UNC13C: variants seen among roughly 807,000 people sequenced by gnomAD.
UNC13C encodes protein unc-13 homolog C.
A neutral mutation model predicts 245.4 loss-of-function variants in UNC13C; 174 were observed. The ratio of observed to expected loss-of-function variants is 0.71; its 90% CI spans 0.63 to 0.80. The LOEUF (loss-of-function observed/expected upper bound fraction) is 0.80, where lower values mean the gene tolerates loss of function less well. Among genes scored for constraint, UNC13C ranks in the 30% least tolerant of loss-of-function variants. UNC13C has a pLI of 0.00. For missense variants in UNC13C, 2,829 were observed against 2,602.9 expected, an observed-to-expected ratio of 1.09 and a Z score of -1.89; for synonymous variants, 992 against 895.1, an observed-to-expected ratio of 1.11 and a Z score of -1.93.
chr15:54,394,430 A>T (rs2040028707), intron 18 of UNC13C, among the ~76,000 whole-genome samples: 1 of 151,668 alleles, frequency 6.6e-6, no homozygotes, highest in South Asian at 2.1e-4. Flanking sequence ...TTCTGTTAGG[A>T]CTAGAAGATC....
intron 9 of UNC13C, among the ~76,000 whole-genome samples, 197 bp from the exon 10 acceptor site, chr15:54,265,158 G>A (rs2036521517): frequency 6.6e-6 from 1 of 151,700 alleles, no homozygotes; most frequent in African/African-American, 2.4e-5. Context: ...AAAGACAAGG[G>A]CAAAAATTAC....
the UNC13C span, among the ~76,000 whole-genome samples, chr15:53,902,534 G>C: frequency 6.6e-6 from 1 of 152,208 alleles, no homozygotes; most frequent in Non-Finnish European, 1.5e-5. Flanking sequence ...AGGGAGAGAA[G>C]AAAACACCTG....
chr15:54,172,060 C>G (rs2033418961), intron 4 of UNC13C, among the ~76,000 whole-genome samples: 1 of 151,858 alleles, frequency 6.6e-6, no homozygotes, highest in Admixed American at 6.6e-5. Flanking sequence ...AAAATTAAAA[C>G]AATTGTACTC....
chr15:54,473,201 ATTAT>A (rs975946508), intron 19 of UNC13C, among the ~76,000 whole-genome samples: 14 of 140,122 alleles, frequency 1.0e-4, no homozygotes, highest in African/African-American at 3.0e-4. Flanking sequence ...TATTTTATTG[ATTAT>A]TTATTTTATT....
At chr15:53,927,936 T>C in the UNC13C span, among the ~76,000 whole-genome samples, 1 of 152,178 alleles carries the variant, frequency 6.6e-6, no homozygotes, top group Non-Finnish European at 1.5e-5. Flanking sequence ...TATATCACTG[T>C]CTTCTGCCAG....
chr15:54,550,759 T>A (rs183419638), intron 28 of UNC13C, among the ~76,000 whole-genome samples: 23 of 152,278 alleles, frequency 1.5e-4, no homozygotes, highest in Admixed American at 8.5e-4. Context: ...TGCCAAACTA[T>A]TATTTTGAAT....
At chr15:54,018,163 G>T (rs879701464) in intron 2 of UNC13C, among the ~76,000 whole-genome samples, 48 of 152,190 alleles carry the variant, frequency 3.2e-4, no homozygotes, top group Non-Finnish European at 6.3e-4. Flanking sequence ...CCTGCTCAGA[G>T]CATCCCAAAG....
chr15:54,154,533 A>G (rs12917246), intron 4 of UNC13C, among the ~76,000 whole-genome samples: 41,245 of 152,088 alleles, frequency 0.27, 5,714 homozygotes, highest in South Asian at 0.35. Flanking sequence ...AGGTTATGAT[A>G]CAGTAATTAA....
intron 19 of UNC13C, among the ~76,000 whole-genome samples, chr15:54,429,158 T>G (rs1341337878): frequency 6.6e-6 from 1 of 151,794 alleles, no homozygotes. Flanking sequence ...AAAGAATCTT[T>G]GTACCATTAG....
chr15:54,093,192 CA>C (rs3985783), intron 2 of UNC13C, among the ~76,000 whole-genome samples: 95,327 of 146,424 alleles, frequency 0.65, 32,837 homozygotes, highest in Non-Finnish European at 0.79. Flanking sequence ...ATGTAAATTA[CA>C]AAAAAAAAAA....
At chr15:54,334,639 C>G (rs992506263) in intron 16 of UNC13C, among the ~76,000 whole-genome samples, 1 of 152,026 alleles carries the variant, frequency 6.6e-6, no homozygotes, top group Non-Finnish European at 1.5e-5. Context: ...TATCAAAGTT[C>G]ATTTAGATTC....
intron 4 of UNC13C, among the ~76,000 whole-genome samples, chr15:54,231,136 G>A (rs892974361): frequency 4.6e-5 from 7 of 151,986 alleles, no homozygotes; most frequent in Non-Finnish European, 8.8e-5. Flanking sequence ...ATGAAACAGG[G>A]TTGTGATCTG....
At chr15:54,406,429 AT>A (rs1271382894) in intron 18 of UNC13C, among the ~76,000 whole-genome samples, 1 of 152,136 alleles carries the variant, frequency 6.6e-6, no homozygotes, top group Non-Finnish European at 1.5e-5. Context: ...GCAGGGGAAA[AT>A]CATAAAGTCC....
chr15:54,512,944 G>T (rs149523037), intron 24 of UNC13C, among the ~76,000 whole-genome samples: 2 of 152,046 alleles, frequency 1.3e-5, no homozygotes, highest in African/African-American at 2.4e-5. Flanking sequence ...ATTCTGCAAT[G>T]GTGAAGCACT....
the UNC13C span, among the ~76,000 whole-genome samples, chr15:53,853,329 G>A: frequency 6.6e-6 from 1 of 152,104 alleles, no homozygotes; most frequent in Non-Finnish European, 1.5e-5. Context: ...CAAAAGACAT[G>A]ATCTTGTTTA....
chr15:53,995,286 G>C (rs1894571017), intron 1 of UNC13C, among the ~76,000 whole-genome samples: 1 of 152,062 alleles, frequency 6.6e-6, no homozygotes, highest in East Asian at 1.9e-4. Context: ...GACTTTGTTA[G>C]GGCTTCTTTG....
At position 54,047,466 on chromosome 15, in the gene UNC13C, A is replaced by T. The variant is rs79430226; in HGVS notation, c.2983+31580A>T. Among the ~76,000 whole-genome samples the T allele has an allele frequency of 5.2e-4, 79 of 151,926 alleles. 1 individual carries two copies. In the East Asian group the frequency reaches 0.014, roughly 28 times the overall value. ...TAAACACTGTTCTCCTTTCTATATG[A>T]TCTTGCCTATGCTAGTACCTCATAT... On this transcript the variant is annotated intron_variant, in intron 2 of 32. Coordinates refer to ENST00000260323, the MANE Select transcript of UNC13C (RefSeq NM_001080534.3).
At chr15:54,380,808 T>C (rs548384118) in intron 17 of UNC13C, among the ~76,000 whole-genome samples, 1 of 152,310 alleles carries the variant, frequency 6.6e-6, no homozygotes, top group South Asian at 2.1e-4. Context: ...AATTGGGTTA[T>C]TTGTTTCCTT....
chr15:54,460,280 G>T (rs1236280371), intron 19 of UNC13C, among the ~76,000 whole-genome samples: 1 of 152,228 alleles, frequency 6.6e-6, no homozygotes, highest in East Asian at 1.9e-4. Context: ...ACCAGCACCT[G>T]CTCCAGTGGA....
Sources: allele counts gnomAD v4.1 joint callset (sites outside exome capture counted in the v4.1 genomes callset), GRCh38; gene constraint gnomAD v4.1.1; transcripts MANE v1.5; gene names NCBI Gene and HGNC (gene_info 2026-07-23, HGNC 2026-07-21).